Variants in AKAP6 observed in about 807,000 individuals in gnomAD.
AKAP6 encodes the protein A-kinase anchor protein 6.
AKAP6 carries 58 observed loss-of-function variants against 188.5 expected under a neutral mutation model. That is an observed-to-expected ratio of 0.31 (90% confidence interval 0.25 to 0.38). The LOEUF (loss-of-function observed/expected upper bound fraction) is 0.38, where lower values mean the gene tolerates loss of function less well. AKAP6 is among the 10% of genes least tolerant of loss of function. AKAP6 has a pLI of 1.00. For synonymous variants in AKAP6, 989 were observed against 998.6 expected, an observed-to-expected ratio of 0.99 and a Z score of 0.18; for missense variants, 2,710 against 2,740.0, an observed-to-expected ratio of 0.99 and a Z score of 0.24.
rs1264664740 is a variant in AKAP6 at position 32,786,311 on chromosome 14, T to A, written c.3588+12418T>A. On this transcript the variant is annotated intron_variant, in intron 12 of 13. Coordinates refer to ENST00000280979, the MANE Select transcript of AKAP6 (RefSeq NM_004274.5). ...CTAAACCTTTATCTTTTTTTTTTTT[T>A]TTTTTTTTTTTTTTGAGACGGAATC... Among the ~76,000 whole-genome samples, 18 of 96,568 alleles carry A rather than the reference T, an allele frequency of 1.9e-4. No individual in the cohort carries two copies. In the East Asian group the frequency reaches 2.8e-3, roughly 15 times the overall value. 63.4% of individuals were successfully genotyped at this position (96,568 alleles called of 152,430 possible).
intron 4 of AKAP6, among the ~76,000 whole-genome samples, chr14:32,571,150 T>C (rs1884466036): frequency 6.6e-6 from 1 of 152,174 alleles, no homozygotes; most frequent in Non-Finnish European, 1.5e-5. Context: ...GAGGGTTATT[T>C]GTTTCAGCTA....
chr14:32,809,201 G>A (rs1305614573), intron 12 of AKAP6, among the ~76,000 whole-genome samples: 1 of 152,182 alleles, frequency 6.6e-6, no homozygotes, highest in East Asian at 1.9e-4. Flanking sequence ...AACAGACAGA[G>A]ACAACAGCTA....
Position 32,502,571 on chromosome 14 carries a change from A to G in AKAP6, c.325-32983A>G, listed in dbSNP as rs983497733. 2.6e-5 allele frequency among the ~76,000 whole-genome samples: 4 copies of G among 152,156 alleles called. No homozygotes were observed. The East Asian group carries it at 7.7e-4, about 29-fold the overall frequency. On this transcript the variant is annotated intron_variant, in intron 2 of 13. Transcript: ENST00000280979. ...TCCAATGCAGAGAGCTGGCCTTTCT[A>G]ACAGTTTCTCCCTTTTGTAACCCAA...
At chr14:32,636,600 G>A (rs1210547743) in intron 7 of AKAP6, among the ~76,000 whole-genome samples, 1 of 152,068 alleles carries the variant, frequency 6.6e-6, no homozygotes, top group African/African-American at 2.4e-5. Context: ...CATAATGGTA[G>A]AGAAGGATGT....
At chr14:32,550,161 AC>A (rs1236485387) in intron 4 of AKAP6, among the ~76,000 whole-genome samples, 4 of 152,214 alleles carry the variant, frequency 2.6e-5, no homozygotes, top group African/African-American at 7.2e-5. Flanking sequence ...TGACTATGAT[AC>A]CAACTTCCAA....
In AKAP6 at chr14:32,651,920, G is replaced by A. The variant is rs114274932; in HGVS notation, c.2731-26391G>A. Among the ~76,000 whole-genome samples the A allele has an allele frequency of 3.3e-3, 503 of 151,946 alleles. 1 individual carries two copies. Among genetic ancestry groups the A allele is most frequent in the African/African-American group, 0.011 (458 of 41,430 alleles). Reference sequence around the variant, plus strand: ...ACATCTTAGGCCCATTTTTTATTGAGTACTCTTTTTCCTGCCACCCTTTGG... The same window carrying A: ...ACATCTTAGGCCCATTTTTTATTGAATACTCTTTTTCCTGCCACCCTTTGG... On this transcript the variant is annotated intron_variant, in intron 7 of 13. Transcript: ENST00000280979.
chr14:32,816,402 C>G (rs547959123), intron 12 of AKAP6, among the ~76,000 whole-genome samples: 25 of 152,240 alleles, frequency 1.6e-4, no homozygotes, highest in African/African-American at 5.5e-4. Flanking sequence ...CACTATGTTT[C>G]CCAGGCTGGT....
intron 1 of AKAP6, among the ~76,000 whole-genome samples, chr14:32,429,940 A>T (rs1890159075): frequency 6.6e-6 from 1 of 152,236 alleles, no homozygotes; most frequent in Non-Finnish European, 1.5e-5. Flanking sequence ...TCTTCTACAT[A>T]TATAACCACA....
intron 1 of AKAP6, among the ~76,000 whole-genome samples, chr14:32,420,405 T>C (rs528493601): frequency 2.7e-4 from 41 of 151,712 alleles, no homozygotes; most frequent in African/African-American, 9.4e-4. Context: ...ATCCCTCCTT[T>C]CTTCCTATAA....
intron 7 of AKAP6, among the ~76,000 whole-genome samples, chr14:32,609,356 G>A (rs1224875868): frequency 6.6e-6 from 1 of 152,128 alleles, no homozygotes; most frequent in African/African-American, 2.4e-5. Context: ...GTTTTTTAAG[G>A]TACTGTACTG....
rs367628739 is a variant in AKAP6, at chr14:32,822,289, G to A, written c.4476G>A (p.Ala1492=). The change falls in exon 13 of 14, where the codon GCG becomes GCA. Residue 1492 remains alanine (A), a synonymous_variant. Coordinates refer to ENST00000280979, the MANE Select transcript of AKAP6 (RefSeq NM_004274.5). Reference sequence around the variant, plus strand: ...TGAAACAGTCACAAAGCGAAAAAGCGCATGTGGAGGATCCCCTGCTTCGTG... The same window carrying A: ...TGAAACAGTCACAAAGCGAAAAAGCACATGTGGAGGATCCCCTGCTTCGTG... The part of the protein sequence containing the change: ...MIMKQSQSEK[A]HVEDPLLRGF... 2.5e-5 allele frequency: 41 copies of A among 1,613,754 alleles called. No individual in the cohort carries two copies. Among genetic ancestry groups the A allele is most frequent in the South Asian group, 1.8e-4 (16 of 91,076 alleles).
chr14:32,569,755 G>T (rs965690440), intron 4 of AKAP6, among the ~76,000 whole-genome samples: 1 of 152,018 alleles, frequency 6.6e-6, no homozygotes, highest in Non-Finnish European at 1.5e-5. Context: ...TTCTAAAAAA[G>T]GTTCTAATTT....
At chr14:32,651,179 T>C (rs1246231327) in intron 7 of AKAP6, among the ~76,000 whole-genome samples, 9 of 152,174 alleles carry the variant, frequency 5.9e-5, no homozygotes, top group Non-Finnish European at 1.5e-5. Context: ...CCACCTTGGG[T>C]ACCCACTGAC....
chr14:32,341,488 G>T (rs1450960106), intron 1 of AKAP6, among the ~76,000 whole-genome samples: 7 of 152,170 alleles, frequency 4.6e-5, no homozygotes, highest in Non-Finnish European at 1.0e-4. Flanking sequence ...ATAACTCAGT[G>T]ATGAGAGCCA....
Position 32,689,371 on chromosome 14 carries a change from C to A in AKAP6, c.2880-6619C>A, listed in dbSNP as rs116996084. ...AATAGGTGTTGGTGGACAGATGGTC[C>A]ACGAGAAAGTGGGGCCAGTTATTAA... On this transcript the variant is annotated intron_variant, in intron 8 of 13. Transcript: ENST00000280979. Among the ~76,000 whole-genome samples, 29 of 152,054 alleles carry A rather than the reference C, an allele frequency of 1.9e-4. No homozygotes were observed. In the East Asian group the frequency reaches 4.6e-3, roughly 24 times the overall value.
At chr14:32,591,974 G>A (rs1885506941) in intron 5 of AKAP6, among the ~76,000 whole-genome samples, 1 of 152,118 alleles carries the variant, frequency 6.6e-6, no homozygotes, top group African/African-American at 2.4e-5. Flanking sequence ...AATTACGCTG[G>A]GATCATCTAA....
intron 9 of AKAP6, among the ~76,000 whole-genome samples, chr14:32,724,990 T>TAAAAAAAAA (rs71432079): frequency 0.13 from 4,581 of 34,882 alleles, 1,345 homozygotes; most frequent in South Asian, 0.18. Flanking sequence ...ATATTCAACC[T>TAAAAAAAAA]AAAAAAAAAA....
At position 32,492,355 on chromosome 14, in the gene AKAP6, T is replaced by TATATATATAGAGAGAGAGAGAG; in HGVS notation, c.325-43198_325-43197insTATATATAGAGAGAGAGAGAGA. On this transcript the variant is annotated intron_variant, in intron 2 of 13. Transcript: ENST00000280979. ...ACATTGTAATATATATATATATATA[T>TATATATATAGAGAGAGAGAGAG]AGAGAGAGAGAGAGAGAGAGAGAGA... 2.1e-3 allele frequency among the ~76,000 whole-genome samples: 176 copies of TATATATATAGAGAGAGAGAGAG among 82,574 alleles called. 1 individual carries two copies. Among genetic ancestry groups the TATATATATAGAGAGAGAGAGAG allele is most frequent in the East Asian group, 0.015 (23 of 1,524 alleles). The allele number at this position is 82,574 out of a possible 152,430, so 54.2% of individuals were successfully genotyped here. A position where few individuals can be genotyped will look rare whatever the true frequency, so the allele number is the denominator to read the frequency against.
At chr14:32,342,711 C>T (rs939198511) in intron 1 of AKAP6, among the ~76,000 whole-genome samples, 22 of 152,068 alleles carry the variant, frequency 1.4e-4, no homozygotes, top group Non-Finnish European at 4.4e-5. Context: ...GCAGTGTCAG[C>T]GCTGGATGGA....
Sources: gnomAD v4.1 joint callset for allele counts (sites outside exome capture counted in the v4.1 genomes callset) on GRCh38, gnomAD v4.1.1 for gene constraint, MANE v1.5 for transcripts, NCBI Gene and HGNC (gene_info 2026-07-23, HGNC 2026-07-21) for gene names.